CREB5: variants seen among roughly 807,000 people sequenced by gnomAD.
The protein encoded by CREB5 is cyclic AMP-responsive element-binding protein 5.
Under a neutral mutation model 57.1 loss-of-function variants are expected in CREB5, and 19 were observed. That is an observed-to-expected ratio of 0.33 (90% CI 0.23 to 0.49). The LOEUF is 0.49. CREB5 is among the 20% of genes least tolerant of loss of function. The probability of loss-of-function intolerance (pLI) is 0.99; values close to 1 mark genes in which losing one functional copy is unlikely to be tolerated. For synonymous variants in CREB5, 238 were observed against 238.3 expected, an observed-to-expected ratio of 1.00 and a Z score of 0.01; for missense variants, 579 against 671.6, an observed-to-expected ratio of 0.86 and a Z score of 1.52.
At chr7:28,642,987 T>TACACACACACACACACACAC (rs1179446048) in intron 5 of CREB5, among the ~76,000 whole-genome samples, 20 of 98,390 alleles carry the variant, frequency 2.0e-4, no homozygotes, top group Non-Finnish European at 2.3e-4. Flanking sequence ...CACACACACA[T>TACACACACACACACACACAC]ACACACACAC....
At chr7:28,535,878 G>A (rs35090630) in intron 4 of CREB5, among the ~76,000 whole-genome samples, 22,509 of 152,020 alleles carry the variant, frequency 0.15, 2,008 homozygotes, top group East Asian at 0.29. Flanking sequence ...AAGCCTACAT[G>A]GTAGAACTTG....
intron 2 of CREB5, chr7:28,491,219 C>G (rs1192514632): frequency 1.0e-6 from 1 of 985,228 alleles, no homozygotes; most frequent in Non-Finnish European, 1.2e-6. Flanking sequence ...AAAGGATAGC[C>G]GAGCTGGAGT....
Position 28,820,858 on chromosome 7 carries a change from A to G in CREB5, c.*1579A>G, listed in dbSNP as rs1317802674. ...TCAAACTATCCTACTTCTTCCTCCCAAAGTGTTGGGATTATAGGTGTGAGC... is the reference window on the plus strand; with the variant it reads ...TCAAACTATCCTACTTCTTCCTCCCGAAGTGTTGGGATTATAGGTGTGAGC... On this transcript the variant is annotated 3_prime_UTR_variant, in exon 11 of 11. Coordinates refer to ENST00000357727, the MANE Select transcript of CREB5 (RefSeq NM_182898.4). 5 of 152,384 alleles carry G rather than the reference A, an allele frequency of 3.3e-5. No homozygotes were observed. Among genetic ancestry groups the G allele is most frequent in the Admixed American group, 2.6e-4 (4 of 15,276 alleles). 9.4% of individuals were successfully genotyped at this position (152,384 alleles called of 1,614,324 possible).
At chr7:28,518,699 C>A (rs1481191982) in intron 4 of CREB5, among the ~76,000 whole-genome samples, 1 of 152,110 alleles carries the variant, frequency 6.6e-6, no homozygotes, top group Non-Finnish European at 1.5e-5. Context: ...TCTGGCAACC[C>A]CTTTCTCAGT....
intron 4 of CREB5, among the ~76,000 whole-genome samples, chr7:28,531,172 T>G (rs746933098): frequency 4.6e-5 from 7 of 151,230 alleles, no homozygotes; most frequent in Admixed American, 2.0e-4. Flanking sequence ...GGTCTCTAGG[T>G]TTTTTTTTCT....
chr7:28,800,510 G>A (rs1458990679), intron 7 of CREB5, among the ~76,000 whole-genome samples: 1 of 152,238 alleles, frequency 6.6e-6, no homozygotes, highest in Non-Finnish European at 1.5e-5. Context: ...TTAAAGCCAA[G>A]GGTGAGGAAG....
At chr7:28,623,959 TAA>T (rs1797899032) in intron 5 of CREB5, among the ~76,000 whole-genome samples, 4 of 152,264 alleles carry the variant, frequency 2.6e-5, no homozygotes, top group Middle Eastern at 6.8e-3. Flanking sequence ...AGGGATATGA[TAA>T]GAACAATGAT....
chr7:28,596,489 A>C (rs2128667244), intron 5 of CREB5, among the ~76,000 whole-genome samples: 1 of 152,368 alleles, frequency 6.6e-6, no homozygotes, highest in Non-Finnish European at 1.5e-5. Context: ...TCAATTGCTC[A>C]TTTGAACAGT....
In CREB5 at chr7:28,618,659, T is replaced by C. The variant is rs1375312910; in HGVS notation, c.464+48122T>C. 2.0e-5 allele frequency among the ~76,000 whole-genome samples: 3 copies of C among 152,316 alleles called. No homozygotes were observed. The East Asian group carries it at 5.8e-4, about 29-fold the overall frequency. On this transcript the variant is annotated intron_variant, in intron 5 of 10. Coordinates refer to ENST00000357727, the MANE Select transcript of CREB5 (RefSeq NM_182898.4). ...ACGCAGCTGGGACTTGCCTCCCGTC[T>C]CAGCAGGCATGATCTCTGTGATCCT...
At chr7:28,638,632 C>A (rs1472512080) in intron 5 of CREB5, among the ~76,000 whole-genome samples, 2 of 152,122 alleles carry the variant, frequency 1.3e-5, no homozygotes, top group African/African-American at 2.4e-5. Flanking sequence ...CAGGTGTGTG[C>A]CACCACGCCC....
At chr7:28,525,127 A>G (rs981395728) in intron 4 of CREB5, among the ~76,000 whole-genome samples, 4 of 152,150 alleles carry the variant, frequency 2.6e-5, no homozygotes, top group African/African-American at 9.7e-5. Context: ...AACGACCTTC[A>G]GTTCCATCCA....
chr7:28,414,342 C>A (rs1787942199), intron 1 of CREB5, among the ~76,000 whole-genome samples: 1 of 151,230 alleles, frequency 6.6e-6, no homozygotes. Context: ...TGATCTCAGT[C>A]AATTCATTAT....
At chr7:28,676,398 A>C (rs545327323) in intron 5 of CREB5, among the ~76,000 whole-genome samples, 95 of 152,232 alleles carry the variant, frequency 6.2e-4, no homozygotes, top group African/African-American at 2.3e-3. Flanking sequence ...GTCAAATAGA[A>C]ATTATGTAAG....
At chr7:28,367,123 G>A (rs1378069175) in intron 1 of CREB5, among the ~76,000 whole-genome samples, 2 of 152,100 alleles carry the variant, frequency 1.3e-5, no homozygotes, top group Non-Finnish European at 2.9e-5. Context: ...CTTTGCTGGC[G>A]ATTTCTTCCC....
intron 1 of CREB5, among the ~76,000 whole-genome samples, chr7:28,387,530 CTGTT>C (rs1423166586): frequency 6.6e-6 from 1 of 151,852 alleles, no homozygotes; most frequent in African/African-American, 2.4e-5. Flanking sequence ...TGTAGGTTGT[CTGTT>C]CGTTCTGATG....
intron 1 of CREB5, among the ~76,000 whole-genome samples, chr7:28,461,042 C>CA (rs1187959111): frequency 2.9e-4 from 43 of 149,018 alleles, no homozygotes; most frequent in East Asian, 1.6e-3. Flanking sequence ...ACAACACAAA[C>CA]AAAAAAAAAC....
intron 1 of CREB5, among the ~76,000 whole-genome samples, chr7:28,414,263 T>G (rs1269107138): frequency 6.8e-6 from 1 of 147,028 alleles, no homozygotes; most frequent in Non-Finnish European, 1.5e-5. Flanking sequence ...TCTTACAAAT[T>G]GGATTTCTAC....
At chr7:28,708,581 C>G (rs932590386) in intron 5 of CREB5, among the ~76,000 whole-genome samples, 1 of 152,130 alleles carries the variant, frequency 6.6e-6, no homozygotes, top group Non-Finnish European at 1.5e-5. Context: ...CAGAGGCTGC[C>G]GGGAAGATCC....
At chr7:28,344,555 T>C (rs1786001835) in intron 1 of CREB5, among the ~76,000 whole-genome samples, 1 of 152,238 alleles carries the variant, frequency 6.6e-6, no homozygotes, top group African/African-American at 2.4e-5. Context: ...TACAGCTTTG[T>C]GGTATATTTT....
Sources: gnomAD v4.1 joint callset for allele counts (sites outside exome capture counted in the v4.1 genomes callset) on GRCh38, gnomAD v4.1.1 for gene constraint, MANE v1.5 for transcripts, NCBI Gene and HGNC (gene_info 2026-07-23, HGNC 2026-07-21) for gene names.